The following TMEM132D variants were observed in gnomAD, a reference collection of about 807,000 sequenced individuals.
The protein encoded by TMEM132D is mature OL transmembrane protein.
TMEM132D carries 21 observed loss-of-function variants against 62.3 expected under a neutral mutation model. The ratio of observed to expected loss-of-function variants is 0.34; its 90% CI spans 0.24 to 0.49. The LOEUF is 0.49. Among genes scored for constraint, TMEM132D ranks in the 20% least tolerant of loss-of-function variants. The probability of loss-of-function intolerance (pLI) is 0.99; values close to 1 mark genes in which losing one functional copy is unlikely to be tolerated. For missense variants in TMEM132D, 1,346 were observed against 1,402.8 expected (o/e 0.96, Z 0.65); for synonymous variants, 621 against 575.6 (o/e 1.08, Z -1.13).
At chr12:129,559,808 C>T (rs570993315) in intron 2 of TMEM132D, among the ~76,000 whole-genome samples, 30 of 152,242 alleles carry the variant, frequency 2.0e-4, no homozygotes, top group African/African-American at 6.3e-4. Flanking sequence ...CAATATTTAT[C>T]GATGTAAAAA....
chr12:129,791,193 A>T (rs12315390), intron 1 of TMEM132D, among the ~76,000 whole-genome samples: 9,909 of 152,284 alleles, frequency 0.065, 410 homozygotes, highest in East Asian at 0.23. Flanking sequence ...GGCAGACAAG[A>T]GGAGGAAATC....
chr12:129,652,171 C>T (rs1879946746), intron 2 of TMEM132D, among the ~76,000 whole-genome samples: 1 of 152,200 alleles, frequency 6.6e-6, no homozygotes, highest in East Asian at 1.9e-4. Context: ...CAAGTCAGTA[C>T]TTTGGAATCC....
intron 8 of TMEM132D, among the ~76,000 whole-genome samples, chr12:129,075,590 G>T (rs982832506): frequency 3.9e-5 from 6 of 152,206 alleles, no homozygotes; most frequent in Non-Finnish European, 8.8e-5. Flanking sequence ...GGTTTTGCCA[G>T]CCCTGCCTTT....
At chr12:129,893,470 C>T (rs377006220) in intron 1 of TMEM132D, among the ~76,000 whole-genome samples, 11 of 131,892 alleles carry the variant, frequency 8.3e-5, no homozygotes, top group African/African-American at 3.1e-4. Context: ...GCTGGATCTG[C>T]TTATGCTATC....
intron 1 of TMEM132D, among the ~76,000 whole-genome samples, chr12:129,843,478 G>T (rs76482999): frequency 0.012 from 1,886 of 152,252 alleles, 41 homozygotes; most frequent in African/African-American, 0.042. Context: ...ATGCAAAAAT[G>T]ATTTATTGAA....
chr12:129,723,788 T>A (rs575296367), intron 1 of TMEM132D, among the ~76,000 whole-genome samples: 8 of 152,344 alleles, frequency 5.3e-5, no homozygotes, highest in African/African-American at 1.7e-4. Context: ...GTTCTGTCCA[T>A]GCCAGGAGCC....
intron 4 of TMEM132D, among the ~76,000 whole-genome samples, chr12:129,321,119 T>C (rs1868691440): frequency 6.6e-6 from 1 of 152,200 alleles, no homozygotes; most frequent in South Asian, 2.1e-4. Flanking sequence ...TAGAAAAGCA[T>C]GGGTTTCCCT....
intron 3 of TMEM132D, among the ~76,000 whole-genome samples, chr12:129,372,461 A>G (rs1030120940): frequency 2.6e-5 from 4 of 152,074 alleles, no homozygotes; most frequent in African/African-American, 7.2e-5. Context: ...CAGCAGTGGC[A>G]TTAGAGGCCA....
intron 1 of TMEM132D, among the ~76,000 whole-genome samples, chr12:129,717,638 T>C (rs943441197): frequency 6.7e-6 from 1 of 150,308 alleles, no homozygotes; most frequent in Non-Finnish European, 1.5e-5. Context: ...ATGTGTCCAG[T>C]GTGATTCAAT....
At chr12:129,240,582 G>C (rs1879910606) in intron 4 of TMEM132D, among the ~76,000 whole-genome samples, 1 of 152,150 alleles carries the variant, frequency 6.6e-6, no homozygotes, top group African/African-American at 2.4e-5. Context: ...CATGCAGAAT[G>C]ATTTCTTCGT....
Position 129,247,731 on chromosome 12 carries a change from C to T in TMEM132D, c.1300-38068G>A, listed in dbSNP as rs1880158770. Reference sequence around the variant, plus strand: ...CCTTTGTAATGTTAATAGGGGGGTGCCCCCTCACCATCTGAAGTCCAGGTG... The same window carrying T: ...CCTTTGTAATGTTAATAGGGGGGTGTCCCCTCACCATCTGAAGTCCAGGTG... On this transcript the variant is annotated intron_variant, in intron 4 of 8. Transcript: ENST00000422113. Among the ~76,000 whole-genome samples the T allele has an allele frequency of 2.6e-5, 4 of 152,168 alleles. No homozygotes were observed. In the South Asian group the frequency reaches 8.3e-4, roughly 32 times the overall value.
intron 5 of TMEM132D, among the ~76,000 whole-genome samples, chr12:129,147,176 A>G (rs1402156814): frequency 2.0e-5 from 3 of 151,658 alleles, no homozygotes; most frequent in Non-Finnish European, 2.9e-5. Context: ...GTGTGTGTGT[A>G]TATATATACA....
At chr12:129,100,824 G>T (rs1039100962) in intron 5 of TMEM132D, among the ~76,000 whole-genome samples, 13 of 152,224 alleles carry the variant, frequency 8.5e-5, no homozygotes, top group African/African-American at 2.9e-4. Context: ...AAAGAGAAAA[G>T]GTCAATTTAC....
rs779829392 is a variant in TMEM132D at position 129,209,553 on chromosome 12, C to A, written c.1410G>T (p.Val470=). 6.2e-7 allele frequency: 1 copy of A among 1,614,170 alleles called. No homozygotes were observed. Among genetic ancestry groups the A allele is most frequent in the South Asian group, 1.1e-5 (1 of 91,086 alleles). The change falls in exon 5 of 9, where the codon GTG becomes GTT. Residue 470 remains valine (V), a synonymous_variant. Coordinates refer to ENST00000422113, the MANE Select transcript of TMEM132D (RefSeq NM_133448.3). Reference sequence around the variant, plus strand: ...CGTCTTCATCAGACGATCTACACTCCACAGACTCCAGCAGCTCTGTCACTG... The same window carrying A: ...CGTCTTCATCAGACGATCTACACTCAACAGACTCCAGCAGCTCTGTCACTG... ...DGTVTELLES[V]ECRSSDEDVI...
intron 5 of TMEM132D, among the ~76,000 whole-genome samples, chr12:129,115,175 G>A (rs970652580): frequency 4.6e-5 from 7 of 152,262 alleles, no homozygotes; most frequent in African/African-American, 7.2e-5. Context: ...ATCTCATGTC[G>A]CTATCCAGAC....
chr12:129,175,796 C>G (rs745620395), intron 5 of TMEM132D, among the ~76,000 whole-genome samples: 25 of 152,196 alleles, frequency 1.6e-4, no homozygotes, highest in Non-Finnish European at 3.2e-4. Context: ...TGCAATGGTA[C>G]TTTGTCCATC....
intron 1 of TMEM132D, among the ~76,000 whole-genome samples, chr12:129,773,794 G>A (rs560710738): frequency 2.0e-5 from 3 of 152,264 alleles, no homozygotes; most frequent in East Asian, 1.9e-4. Flanking sequence ...ACTTGGGCTG[G>A]CATACAGAAC....
chr12:129,895,466 C>T (rs1875076867), intron 1 of TMEM132D, among the ~76,000 whole-genome samples: 1 of 152,232 alleles, frequency 6.6e-6, no homozygotes, highest in African/African-American at 2.4e-5. Context: ...ATCTTGTCTC[C>T]TGTGGTCAGT....
chr12:129,859,259 C>G (rs1432004486), intron 1 of TMEM132D, among the ~76,000 whole-genome samples: 1 of 152,222 alleles, frequency 6.6e-6, no homozygotes, highest in African/African-American at 2.4e-5. Context: ...ACATAGACCC[C>G]TGCTGTTTAT....
Sources: allele counts gnomAD v4.1 joint callset (sites outside exome capture counted in the v4.1 genomes callset), GRCh38; gene constraint gnomAD v4.1.1; transcripts MANE v1.5; gene names NCBI Gene and HGNC (gene_info 2026-07-23, HGNC 2026-07-21).